HNRNPLL: variants seen among roughly 807,000 people sequenced by gnomAD.
HNRNPLL encodes the protein heterogeneous nuclear ribonucleoprotein L like.
Under a neutral mutation model 67.1 loss-of-function variants are expected in HNRNPLL, and 25 were observed. The ratio of observed to expected loss-of-function variants is 0.37; its 90% CI spans 0.27 to 0.52. The LOEUF (loss-of-function observed/expected upper bound fraction) is 0.52. Among genes scored for constraint, HNRNPLL ranks in the 20% least tolerant of loss-of-function variants. The pLI is 0.90. For synonymous variants in HNRNPLL, 267 were observed against 241.7 expected, an observed-to-expected ratio of 1.10 and a Z score of -0.97; for missense variants, 542 against 673.9, an observed-to-expected ratio of 0.80 and a Z score of 2.17.
Position 38,602,921 on chromosome 2 carries a change from C to G in HNRNPLL, c.-295G>C. 6.6e-7 allele frequency: 1 copy of G among 1,515,352 alleles called. No homozygotes were observed. Among genetic ancestry groups the G allele is most frequent in the Non-Finnish European group, 9.0e-7 (1 of 1,116,068 alleles). 93.9% of individuals were successfully genotyped at this position (1,515,352 alleles called of 1,614,324 possible). A position where few individuals can be genotyped will look rare whatever the true frequency, so the allele number is the denominator to read the frequency against. On this transcript the variant is annotated 5_prime_UTR_variant, in exon 1 of 13. Coordinates refer to ENST00000449105, the MANE Select transcript of HNRNPLL (RefSeq NM_138394.4). Reference sequence around the variant, plus strand: ...CCGCTCCCTGCCCGGAGGAGCGAATCTAAGGATGGGGACGCAACCGTGGCT... The same window carrying G: ...CCGCTCCCTGCCCGGAGGAGCGAATGTAAGGATGGGGACGCAACCGTGGCT...
chr2:38,567,685 A>T (rs1665923056), intron 12 of HNRNPLL, among the ~76,000 whole-genome samples: 1 of 152,154 alleles, frequency 6.6e-6, no homozygotes, highest in African/African-American at 2.4e-5. Context: ...CTCTGTGACC[A>T]AAAAAATTAT....
chr2:38,576,802 C>T (rs969598185), intron 7 of HNRNPLL, among the ~76,000 whole-genome samples: 3 of 151,794 alleles, frequency 2.0e-5, no homozygotes, highest in African/African-American at 2.4e-5. Flanking sequence ...ATAACTACCA[C>T]TAAAAACTAA....
chr2:38,580,927 T>C (rs1195486028), intron 6 of HNRNPLL: 1 of 152,202 alleles, frequency 6.6e-6, no homozygotes, highest in Non-Finnish European at 1.5e-5. Flanking sequence ...AGTGACAACT[T>C]ATAAACAGCC....
intron 8 of HNRNPLL, among the ~76,000 whole-genome samples, chr2:38,570,535 C>T (rs1453815090): frequency 6.6e-6 from 1 of 152,128 alleles, no homozygotes; most frequent in Non-Finnish European, 1.5e-5. Context: ...GGGGGATACA[C>T]GTTATTTCAG....
At chr2:38,571,814 G>A (rs549480389) in intron 8 of HNRNPLL, among the ~76,000 whole-genome samples, 2 of 152,086 alleles carry the variant, frequency 1.3e-5, no homozygotes, top group South Asian at 4.1e-4. Flanking sequence ...TTAAAAACTT[G>A]CAAGATGTAG....
intron 3 of HNRNPLL, among the ~76,000 whole-genome samples, chr2:38,584,939 A>G (rs1160749272): frequency 6.6e-6 from 1 of 151,956 alleles, no homozygotes; most frequent in Admixed American, 6.6e-5. Context: ...TAATAAGTCT[A>G]TATTTAAAAT....
At chr2:38,600,581 A>C (rs956120579) in intron 1 of HNRNPLL, among the ~76,000 whole-genome samples, 1 of 152,002 alleles carries the variant, frequency 6.6e-6, no homozygotes, top group African/African-American at 2.4e-5. Context: ...CAGAAAAAAA[A>C]AATTGGCCCG....
chr2:38,567,300 G>T (rs1029930767), intron 12 of HNRNPLL, among the ~76,000 whole-genome samples: 1 of 151,846 alleles, frequency 6.6e-6, no homozygotes, highest in Non-Finnish European at 1.5e-5. Flanking sequence ...ATTTTTAGTA[G>T]AGACAGGGTT....
intron 1 of HNRNPLL, 96 bp downstream of exon 1, chr2:38,602,342 A>T: frequency 8.2e-7 from 1 of 1,217,816 alleles, no homozygotes; most frequent in Non-Finnish European, 1.1e-6. Flanking sequence ...GGCGCAGCGG[A>T]AAAGGCTAAC....
chr2:38,583,486 T>TA (rs1038355454), intron 4 of HNRNPLL, among the ~76,000 whole-genome samples: 3 of 151,986 alleles, frequency 2.0e-5, no homozygotes, highest in Admixed American at 1.3e-4. Context: ...AAAGGTTCAA[T>TA]AAAAAAAGGT....
chr2:38,572,027 T>C (rs968967195), intron 8 of HNRNPLL, among the ~76,000 whole-genome samples: 26 of 152,112 alleles, frequency 1.7e-4, no homozygotes, highest in African/African-American at 6.3e-4. Flanking sequence ...ATAAAGAAAG[T>C]TAAAATATAC....
chr2:38,579,090 C>A lies in HNRNPLL; in HGVS notation c.803-1558G>T, dbSNP rs144668832. Reference sequence around the variant, plus strand: ...TTATCTGACCTAGGAATCTTAAAACCACAACAACCATAATGTCTTCATGAC... The same window carrying A: ...TTATCTGACCTAGGAATCTTAAAACAACAACAACCATAATGTCTTCATGAC... On this transcript the variant is annotated intron_variant, in intron 6 of 12. Transcript: ENST00000449105. Among the ~76,000 whole-genome samples the A allele has an allele frequency of 1.4e-4, 21 of 152,186 alleles. 1 individual carries two copies. In the East Asian group the frequency reaches 4.1e-3, roughly 29 times the overall value.
intron 6 of HNRNPLL, chr2:38,581,634 G>C (rs1666532012): frequency 4.0e-6 from 2 of 504,638 alleles, no homozygotes; most frequent in Non-Finnish European, 6.9e-6. Context: ...CTCCTCCAAA[G>C]AGAGAGAGCT....
chr2:38,569,456 C>A (rs1041524246), intron 9 of HNRNPLL, 122 bp from the exon 10 acceptor site: 1 of 644,608 alleles, frequency 1.6e-6, no homozygotes, highest in Non-Finnish European at 2.7e-6. Context: ...ATACATAGAG[C>A]TATTTAAATA....
At chr2:38,585,612 T>C in intron 3 of HNRNPLL, 32 bp downstream of exon 3, 1 of 1,403,148 alleles carries the variant, frequency 7.1e-7, no homozygotes, top group Non-Finnish European at 1.0e-6. Flanking sequence ...CAAAATCACT[T>C]TTAATTTCAT....
In HNRNPLL at chr2:38,585,745, T is replaced by A; in HGVS notation, c.445A>T (p.Thr149Ser). 6.2e-7 allele frequency: 1 copy of A among 1,613,962 alleles called. No individual in the cohort carries two copies. The highest frequency in any genetic ancestry group is 8.5e-7 in the Non-Finnish European group (1 of 1,179,824). Residue 149 changes from threonine to serine, a missense_variant, in exon 3 of 13, where the codon ACA (threonine) becomes TCA (serine). By Grantham distance (58) the Thr-to-Ser change is moderately conservative. Transcript: ENST00000449105. The stretch of plus-strand genomic sequence containing the variant: ...CCTGGCCGAGTGATCCTTTTGCTTG[T>A]AGAATAGTTGAAAAAAGCCTGTTGA... ...AGQQAFFNYS[T>S]SKRITRPGNT...
chr2:38,594,098 C>T (rs1317977367), intron 1 of HNRNPLL, among the ~76,000 whole-genome samples: 1 of 151,792 alleles, frequency 6.6e-6, no homozygotes, highest in Non-Finnish European at 1.5e-5. Flanking sequence ...TGGCGTGAAC[C>T]CAGGAGGCAG....
rs1666550131 is a variant in HNRNPLL, at chr2:38,582,073, C to T, written c.728G>A (p.Arg243Gln). ...GCCTLKIEYARPTRLNVIRND... is the reference protein window; with the variant it reads ...GCCTLKIEYAQPTRLNVIRND... ...TAGGGTGTTGAAAAAAATATTTACC[C>T]GTGCATATTCAATTTTTAGTGTGCA... Residue 243 changes from arginine (R) to glutamine (Q), a missense_variant and splice_region_variant, in exon 5 of 13, where the codon CGG becomes CAG. Arg to Gln is a conservative substitution (Grantham distance 43). This residue lies in a region of HNRNPLL where 415 missense variants were observed against 575.2 expected (regional missense o/e 0.72). Transcript: ENST00000449105. The T allele has an allele frequency of 2.5e-6, 4 of 1,610,804 alleles. No individual in the cohort carries two copies. The highest frequency in any genetic ancestry group is 1.7e-5 in the Admixed American group (1 of 59,996).
At chr2:38,577,584 T>C (rs2148351827) in intron 6 of HNRNPLL, 52 bp from the exon 7 acceptor site, 1 of 1,099,480 alleles carries the variant, frequency 9.1e-7, no homozygotes, top group South Asian at 1.2e-5. Flanking sequence ...AAGTACTTAA[T>C]GGAGTTCTCA....
Sources: gnomAD v4.1 joint callset for allele counts (sites outside exome capture counted in the v4.1 genomes callset) on GRCh38, gnomAD v4.1.1 for gene constraint, gnomAD v4.1.1 regional missense constraint, MANE v1.5 for transcripts, NCBI Gene and HGNC (gene_info 2026-07-23, HGNC 2026-07-21) for gene names.